SBNO1: variants seen among roughly 807,000 people sequenced by gnomAD.
The protein encoded by SBNO1 is strawberry notch homolog 1.
SBNO1 carries 23 observed loss-of-function variants against 173.6 expected under a neutral mutation model. The ratio of observed to expected loss-of-function variants is 0.13; its 90% CI spans 0.10 to 0.19. SBNO1 has a LOEUF of 0.19. Ranked by LOEUF, SBNO1 falls within the 10% of genes least tolerant of loss-of-function variation. The pLI is 1.00. For synonymous variants in SBNO1, 632 were observed against 571.5 expected (o/e 1.11, Z -1.51); for missense variants, 1,238 against 1,671.2 (o/e 0.74, Z 4.52).
At chr12:123,325,671 CATTTAG>C in intron 14 of SBNO1, 72 bp from the exon 15 acceptor site, 1 of 983,146 alleles carries the variant, frequency 1.0e-6, no homozygotes, top group Non-Finnish European at 1.6e-6. Flanking sequence ...ATATTTTAAA[CATTTAG>C]CTAAACAAAG....
chr12:123,345,887 T>C (rs1334095259), intron 3 of SBNO1, among the ~76,000 whole-genome samples: 1 of 152,082 alleles, frequency 6.6e-6, no homozygotes, highest in Non-Finnish European at 1.5e-5. Context: ...GGTCTCAAAC[T>C]CCTGGGCTCA....
chr12:123,316,276 G>A (rs543175905), intron 21 of SBNO1, among the ~76,000 whole-genome samples: 2 of 152,298 alleles, frequency 1.3e-5, no homozygotes, highest in South Asian at 4.1e-4. Flanking sequence ...CAAAGGTAGA[G>A]TGCAATGGTG....
chr12:123,336,564 T>TC (rs1482610312), intron 5 of SBNO1, 73 bp from the exon 6 acceptor site: 16 of 889,440 alleles, frequency 1.8e-5, no homozygotes, highest in Non-Finnish European at 1.6e-5. Flanking sequence ...AGAAAAACTC[T>TC]CTTGTAGGAA....
chr12:123,326,415 T>C, intron 13 of SBNO1, 81 bp from the exon 14 acceptor site: 1 of 874,610 alleles, frequency 1.1e-6, no homozygotes, highest in East Asian at 2.6e-5. Context: ...CAAAACAATG[T>C]TAAGTGCAAG....
chr12:123,302,801 G>A (rs1460233015), intron 30 of SBNO1, 23 bp downstream of exon 30: 5 of 1,583,332 alleles, frequency 3.2e-6, no homozygotes, highest in Non-Finnish European at 4.3e-6. Context: ...GGAAAATTTG[G>A]TAGGAAACAC....
intron 1 of SBNO1, among the ~76,000 whole-genome samples, chr12:123,355,927 GA>G (rs1191981309): frequency 6.6e-6 from 1 of 152,164 alleles, no homozygotes; most frequent in East Asian, 1.9e-4. Context: ...AGAGAATACT[GA>G]GAAACAATAG....
intron 28 of SBNO1, among the ~76,000 whole-genome samples, chr12:123,306,406 T>G (rs2048915025): frequency 6.6e-6 from 1 of 152,146 alleles, no homozygotes; most frequent in Non-Finnish European, 1.5e-5. Flanking sequence ...ATGAGGTCTC[T>G]AGGACCACCA....
At chr12:123,355,339 TAAAATAAA>T (rs1446678128) in intron 1 of SBNO1, among the ~76,000 whole-genome samples, 2 of 98,024 alleles carry the variant, frequency 2.0e-5, no homozygotes, top group Non-Finnish European at 5.7e-5. Flanking sequence ...TTCTTAACAA[TAAAATAAA>T]AAATAATAAA....
At chr12:123,345,867 T>C (rs1402469302) in intron 3 of SBNO1, among the ~76,000 whole-genome samples, 1 of 152,038 alleles carries the variant, frequency 6.6e-6, no homozygotes, top group African/African-American at 2.4e-5. Flanking sequence ...CTCCCTATGT[T>C]GCTCAGGTTG....
intron 28 of SBNO1, among the ~76,000 whole-genome samples, chr12:123,305,581 C>T (rs1171262039): frequency 6.6e-6 from 1 of 152,120 alleles, no homozygotes. Context: ...CAAGGCGATT[C>T]TCCTGCCTCA....
rs577780462 is a variant in SBNO1 at position 123,324,431 on chromosome 12, C to T, written c.1974-600G>A. On this transcript the variant is annotated intron_variant, in intron 15 of 31. Coordinates refer to ENST00000602398, the MANE Select transcript of SBNO1 (RefSeq NM_001167856.3). ...CCGCCGCCTGGGTTCAAGCAATTCT[C>T]CTGCCTCAGCCTCTCCAGTAGCTGG... 3.3e-5 allele frequency among the ~76,000 whole-genome samples: 5 copies of T among 151,638 alleles called. No homozygotes were observed. In the East Asian group the frequency reaches 9.7e-4, roughly 29 times the overall value.
intron 1 of SBNO1, among the ~76,000 whole-genome samples, chr12:123,359,329 GA>G (rs1179580658): frequency 6.6e-6 from 1 of 151,618 alleles, no homozygotes; most frequent in Non-Finnish European, 1.5e-5. Context: ...GAGATCACTT[GA>G]AGCCAGGAGT....
intron 5 of SBNO1, among the ~76,000 whole-genome samples, chr12:123,340,482 G>A (rs1872402680): frequency 6.7e-6 from 1 of 150,218 alleles, no homozygotes; most frequent in Non-Finnish European, 1.5e-5. Context: ...TTGAGAGGCT[G>A]AGGTGGGAGA....
chr12:123,341,967 A>T (rs1872615864), intron 4 of SBNO1, among the ~76,000 whole-genome samples: 1 of 151,846 alleles, frequency 6.6e-6, no homozygotes, highest in Admixed American at 6.6e-5. Flanking sequence ...TCAGAAAGAT[A>T]CCCAAAAGCC....
chr12:123,359,329 G>A (rs1874848112), intron 1 of SBNO1, among the ~76,000 whole-genome samples: 1 of 151,736 alleles, frequency 6.6e-6, no homozygotes, highest in African/African-American at 2.4e-5. Flanking sequence ...GAGATCACTT[G>A]AAGCCAGGAG....
At chr12:123,359,652 T>C (rs1335131822) in intron 1 of SBNO1, among the ~76,000 whole-genome samples, 1 of 152,138 alleles carries the variant, frequency 6.6e-6, no homozygotes, top group Non-Finnish European at 1.5e-5. Flanking sequence ...ATAAAAATAT[T>C]TGAAAAGCAT....
chr12:123,319,200 C>G (rs1004383251), intron 20 of SBNO1, among the ~76,000 whole-genome samples: 7 of 152,066 alleles, frequency 4.6e-5, no homozygotes, highest in African/African-American at 1.7e-4. Context: ...CTCCTGACCT[C>G]ATGATCTGCC....
At chr12:123,357,288 C>CT (rs1235561492) in intron 1 of SBNO1, among the ~76,000 whole-genome samples, 6 of 151,906 alleles carry the variant, frequency 3.9e-5, no homozygotes, top group African/African-American at 1.5e-4. Context: ...ACCATCTCTA[C>CT]TAAAAACACA....
Position 123,311,124 on chromosome 12 carries a change from G to C in SBNO1, c.3226C>G (p.Arg1076Gly), listed in dbSNP as rs1176994942. Residue 1076 changes from arginine to glycine, a missense_variant, in exon 25 of 32, where the codon CGA (arginine) becomes GGA (glycine). Physicochemically the swap from Arg to Gly is moderately radical, Grantham distance 125. Transcript: ENST00000602398. The part of the protein sequence containing the change: ...DYPGEFFKDV[R>G]QGLIGVGLIN... ...AGGCCAACGCCTATCAGTCCTTGTCGAACATCTGTAAGAACAGGATCAATT... is the reference window on the plus strand; with the variant it reads ...AGGCCAACGCCTATCAGTCCTTGTCCAACATCTGTAAGAACAGGATCAATT... The C allele has an allele frequency of 1.9e-6, 3 of 1,611,448 alleles. No individual in the cohort carries two copies. The highest frequency in any genetic ancestry group is 2.5e-6 in the Non-Finnish European group (3 of 1,177,846).
Sources: allele counts gnomAD v4.1 joint callset (sites outside exome capture counted in the v4.1 genomes callset), GRCh38; gene constraint gnomAD v4.1.1; transcripts MANE v1.5; gene names NCBI Gene and HGNC (gene_info 2026-07-23, HGNC 2026-07-21).